INSYN2B: variants seen among roughly 807,000 people sequenced by gnomAD.
The protein encoded by INSYN2B is protein INSYN2B.
Under a neutral mutation model 41.2 loss-of-function variants are expected in INSYN2B, and 16 were observed. The observed-to-expected ratio is 0.39, with a 90% CI of 0.26 to 0.59. The LOEUF is 0.59. Among genes scored for constraint, INSYN2B ranks in the 20% least tolerant of loss-of-function variants. The pLI, the probability that INSYN2B is intolerant of heterozygous loss-of-function variation, is 0.57. For synonymous variants in INSYN2B, 245 were observed against 244.4 expected (o/e 1.00, Z -0.02); for missense variants, 608 against 646.4 (o/e 0.94, Z 0.64).
At chr5:169,929,060 T>G (rs1303807786) in intron 1 of INSYN2B, among the ~76,000 whole-genome samples, 1 of 152,222 alleles carries the variant, frequency 6.6e-6, no homozygotes, top group Admixed American at 6.5e-5. Context: ...GAGGTCAACC[T>G]GGGCCCACAG....
chr5:169,906,832 GC>G (rs1774308000), intron 1 of INSYN2B, among the ~76,000 whole-genome samples: 1 of 152,198 alleles, frequency 6.6e-6, no homozygotes, highest in African/African-American at 2.4e-5. Flanking sequence ...GGAAATTAGG[GC>G]CTGAAGTAGA....
At chr5:169,905,293 G>GTTTT in intron 1 of INSYN2B, among the ~76,000 whole-genome samples, 1 of 146,232 alleles carries the variant, frequency 6.8e-6, no homozygotes, top group South Asian at 2.2e-4. Context: ...TAGAGCCAGT[G>GTTTT]TTTTTTTTTT....
chr5:169,897,571 G>A (rs1773684145), intron 1 of INSYN2B, among the ~76,000 whole-genome samples: 1 of 152,190 alleles, frequency 6.6e-6, no homozygotes, highest in Non-Finnish European at 1.5e-5. Context: ...TGTATCAAGT[G>A]GGAAGTAGGG....
chr5:169,951,585 T>G (rs1342057168), intron 1 of INSYN2B, among the ~76,000 whole-genome samples: 3 of 152,230 alleles, frequency 2.0e-5, no homozygotes, highest in African/African-American at 7.2e-5. Context: ...GTGCACCCAT[T>G]CATTCAACAG....
At position 169,881,368 on chromosome 5, in the gene INSYN2B, C is replaced by A; in HGVS notation, c.1421G>T (p.Ser474Ile). Residue 474 changes from serine (S) to isoleucine (I), a missense_variant and splice_region_variant, in exon 3 of 4, where the codon AGT becomes ATT. By Grantham distance (142) the Ser-to-Ile change is moderately radical. Transcript: ENST00000377365. ...GCAGGCCTCGCTTGTGGCCAGGTAC[C>A]TGTATATGATGCACGCCGTGTTCTG... ...TCQNTACIIYSVEYDFRQQEG... is the reference protein window; with the variant it reads ...TCQNTACIIYIVEYDFRQQEG... 1.9e-6 allele frequency: 3 copies of A among 1,551,326 alleles called. No homozygotes were observed. The highest frequency in any genetic ancestry group is 2.6e-6 in the Non-Finnish European group (3 of 1,146,684).
chr5:169,915,044 G>A (rs760689996), intron 1 of INSYN2B, among the ~76,000 whole-genome samples: 13 of 152,194 alleles, frequency 8.5e-5, no homozygotes, highest in Non-Finnish European at 1.8e-4. Flanking sequence ...CCTGGACAGC[G>A]ACCAGCTGTC....
chr5:169,914,318 C>A (rs1409007558), intron 1 of INSYN2B, among the ~76,000 whole-genome samples: 2 of 152,220 alleles, frequency 1.3e-5, no homozygotes, highest in Non-Finnish European at 2.9e-5. Context: ...TATAGATATT[C>A]TCTTCCTAAA....
At chr5:169,903,382 G>A (rs1443732413) in intron 1 of INSYN2B, among the ~76,000 whole-genome samples, 5 of 151,930 alleles carry the variant, frequency 3.3e-5, no homozygotes, top group African/African-American at 4.8e-5. Context: ...AGAGGAAGTC[G>A]GGGTGCCGCA....
At chr5:169,927,036 G>A in intron 1 of INSYN2B, among the ~76,000 whole-genome samples, 1 of 152,200 alleles carries the variant, frequency 6.6e-6, no homozygotes, top group Admixed American at 6.5e-5. Flanking sequence ...CATATAAAGT[G>A]CTTCCCAGGG....
chr5:169,917,926 G>C lies in INSYN2B; in HGVS notation c.-918-33110C>G, dbSNP rs17071878. Among the ~76,000 whole-genome samples, 791 of 152,270 alleles carry C rather than the reference G, an allele frequency of 5.2e-3. 6 individuals carry two copies. Among genetic ancestry groups the C allele is most frequent in the African/African-American group, 0.017 (717 of 41,554 alleles). On this transcript the variant is annotated intron_variant, in intron 1 of 3. Transcript: ENST00000377365. The stretch of plus-strand genomic sequence containing the variant: ...AATAAAGAATGGTGTCTCATTTCAG[G>C]GCAGAGGGACTTACAAACTATCAAA...
chr5:169,965,142 G>A (rs1777249530), intron 1 of INSYN2B, among the ~76,000 whole-genome samples: 1 of 152,230 alleles, frequency 6.6e-6, no homozygotes. Context: ...ATGAGTGAAA[G>A]GGGAGGATTG....
rs543908871 is a variant in INSYN2B at position 169,941,040 on chromosome 5, G to A, written c.-919+39237C>T. ...GACAGAAAGCCTGCCCTCATGAAGT[G>A]TGCTTCAGTGGGGTAGGCAGATATT... On this transcript the variant is annotated intron_variant, in intron 1 of 3. Coordinates refer to ENST00000377365, the MANE Select transcript of INSYN2B (RefSeq NM_001129891.3). 2.0e-5 allele frequency among the ~76,000 whole-genome samples: 3 copies of A among 152,290 alleles called. No homozygotes were observed. The South Asian group carries it at 6.2e-4, about 32-fold the overall frequency.
At chr5:169,910,700 C>G (rs1774548151) in intron 1 of INSYN2B, among the ~76,000 whole-genome samples, 1 of 152,214 alleles carries the variant, frequency 6.6e-6, no homozygotes, top group South Asian at 2.1e-4. Context: ...CTACAAGACT[C>G]AGGGAAACAG....
Position 169,964,278 on chromosome 5 carries a change from G to A in INSYN2B, c.-919+15999C>T, listed in dbSNP as rs1353928872. On this transcript the variant is annotated intron_variant, in intron 1 of 3. Coordinates refer to ENST00000377365, the MANE Select transcript of INSYN2B (RefSeq NM_001129891.3). The stretch of plus-strand genomic sequence containing the variant: ...TCAGGACTTCTGGATTGGGACTCCC[G>A]GACTCTGGCCCCCATCAGGCAGTTT... 3.3e-5 allele frequency among the ~76,000 whole-genome samples: 5 copies of A among 152,234 alleles called. No individual in the cohort carries two copies. In the South Asian group the frequency reaches 8.3e-4, roughly 25 times the overall value.
At chr5:169,960,546 T>C (rs1777040803) in intron 1 of INSYN2B, among the ~76,000 whole-genome samples, 1 of 152,150 alleles carries the variant, frequency 6.6e-6, no homozygotes, top group Non-Finnish European at 1.5e-5. Context: ...GGTTCTAAGA[T>C]AGGTTTTCAA....
intron 1 of INSYN2B, among the ~76,000 whole-genome samples, chr5:169,978,822 G>T (rs1172127382): frequency 1.3e-5 from 2 of 152,178 alleles, no homozygotes; most frequent in Non-Finnish European, 2.9e-5. Context: ...TGCCTGCGAT[G>T]ATTGCACTTA....
intron 1 of INSYN2B, among the ~76,000 whole-genome samples, chr5:169,885,341 A>T (rs1331710817): frequency 6.6e-6 from 1 of 152,192 alleles, no homozygotes; most frequent in Non-Finnish European, 1.5e-5. Flanking sequence ...ATAGGTGCTT[A>T]AGCAGAATTT....
chr5:169,966,908 A>G (rs1230432029), intron 1 of INSYN2B, among the ~76,000 whole-genome samples: 2 of 152,162 alleles, frequency 1.3e-5, no homozygotes, highest in Non-Finnish European at 2.9e-5. Context: ...CCCTTCACCA[A>G]TCCATGCGCC....
At chr5:169,891,120 G>A (rs1203417147) in intron 1 of INSYN2B, among the ~76,000 whole-genome samples, 1 of 151,940 alleles carries the variant, frequency 6.6e-6, no homozygotes, top group Non-Finnish European at 1.5e-5. Flanking sequence ...TCTGTGACAT[G>A]GTCCCTGGCC....
Sources: allele counts gnomAD v4.1 joint callset (sites outside exome capture counted in the v4.1 genomes callset), GRCh38; gene constraint gnomAD v4.1.1; transcripts MANE v1.5; gene names NCBI Gene and HGNC (gene_info 2026-07-23, HGNC 2026-07-21).